Variants in CYP2J2 observed in about 807,000 individuals in gnomAD.
CYP2J2 encodes the protein cytochrome P450 family 2 subfamily J member 2.
CYP2J2 carries 41 observed loss-of-function variants against 48.8 expected under a neutral mutation model. That is an observed-to-expected ratio of 0.84 (90% CI 0.66 to 1.09). The LOEUF (loss-of-function observed/expected upper bound fraction) is 1.09, where lower values mean the gene tolerates loss of function less well. CYP2J2 is among the 50% of genes least tolerant of loss of function. The pLI is 0.00. For synonymous variants in CYP2J2, 221 were observed against 227.1 expected (o/e 0.97, Z 0.24); for missense variants, 644 against 617.3 (o/e 1.04, Z -0.46).
At chr1:59,894,336 T>G (rs1350608114) in intron 8 of CYP2J2, among the ~76,000 whole-genome samples, 1 of 152,232 alleles carries the variant, frequency 6.6e-6, no homozygotes, top group Non-Finnish European at 1.5e-5. Context: ...CCTACTGGCA[T>G]GGGTGGCCCT....
intron 6 of CYP2J2, 86 bp from the exon 7 acceptor site, chr1:59,905,144 G>T: frequency 7.4e-7 from 1 of 1,347,348 alleles, no homozygotes; most frequent in Non-Finnish European, 1.0e-6. Flanking sequence ...GATGTCATCT[G>T]TTGTATTTCA....
intron 4 of CYP2J2, among the ~76,000 whole-genome samples, chr1:59,910,469 A>G: frequency 7.0e-6 from 1 of 143,382 alleles, no homozygotes; most frequent in South Asian, 2.1e-4. Flanking sequence ...CTCACTGATG[A>G]GTATACACAG....
chr1:59,948,005 C>A, the CYP2J2 span, among the ~76,000 whole-genome samples: 49 of 152,250 alleles, frequency 3.2e-4, no homozygotes, highest in African/African-American at 1.1e-3. Flanking sequence ...TCTCCCAGAC[C>A]CCTAAGATTA....
the CYP2J2 span, among the ~76,000 whole-genome samples, chr1:59,961,827 G>A: frequency 6.6e-5 from 10 of 151,936 alleles, no homozygotes; most frequent in Admixed American, 3.3e-4. Context: ...AAGAAATGAA[G>A]TACTGATAAA....
the CYP2J2 span, among the ~76,000 whole-genome samples, chr1:59,933,234 T>C: frequency 1.6e-4 from 24 of 152,216 alleles, no homozygotes; most frequent in East Asian, 4.0e-3. Context: ...AGAAATACAA[T>C]TGATATGCTA....
chr1:59,926,788 GCGGTCCCAGCAGGCGA>G (rs1644569893), upstream of CYP2J2: 3 of 1,548,472 alleles, frequency 1.9e-6, no homozygotes, highest in South Asian at 1.2e-5. Flanking sequence ...CAAGCAGGCG[GCGGTCCCAGCAGGCGA>G]CGGTCCCCGC....
At chr1:59,963,605 G>C in the CYP2J2 span, among the ~76,000 whole-genome samples, 1 of 152,252 alleles carries the variant, frequency 6.6e-6, no homozygotes, top group African/African-American at 2.4e-5. Flanking sequence ...CATTTGAGTA[G>C]TTTTGACCCT....
chr1:59,955,140 TTAAAA>T, the CYP2J2 span, among the ~76,000 whole-genome samples: 5 of 109,090 alleles, frequency 4.6e-5, no homozygotes, highest in Non-Finnish European at 9.0e-5. Flanking sequence ...ATCTCCAAAA[TTAAAA>T]TAAATAAATA....
the CYP2J2 span, among the ~76,000 whole-genome samples, chr1:59,962,622 T>C: frequency 6.6e-6 from 1 of 152,294 alleles, no homozygotes; most frequent in East Asian, 1.9e-4. Flanking sequence ...AGTAAACTAC[T>C]AGGCTCAGCA....
At chr1:59,935,025 T>TACAC in the CYP2J2 span, among the ~76,000 whole-genome samples, 1,028 of 85,822 alleles carry the variant, frequency 0.012, 40 homozygotes, top group Non-Finnish European at 0.018. Flanking sequence ...CATATATATA[T>TACAC]ATATATATAT....
chr1:59,957,681 G>GAC, the CYP2J2 span, among the ~76,000 whole-genome samples: 611 of 137,318 alleles, frequency 4.4e-3, 1 homozygote, highest in South Asian at 0.02. Flanking sequence ...CAGACACACA[G>GAC]ACACACACAC....
At chr1:59,943,219 T>C in the CYP2J2 span, among the ~76,000 whole-genome samples, 2 of 151,994 alleles carry the variant, frequency 1.3e-5, no homozygotes, top group Non-Finnish European at 2.9e-5. Context: ...AGGAAGAATA[T>C]AGAGAGAGAA....
the CYP2J2 span, among the ~76,000 whole-genome samples, chr1:59,932,586 AAG>A: frequency 6.6e-6 from 1 of 151,332 alleles, no homozygotes; most frequent in Non-Finnish European, 1.5e-5. Context: ...CTAGTAAAAG[AAG>A]TTCTTTAGAA....
the CYP2J2 span, among the ~76,000 whole-genome samples, chr1:59,953,735 C>T: frequency 9.2e-5 from 14 of 152,026 alleles, no homozygotes; most frequent in South Asian, 2.1e-4. Context: ...AAAGTGTTTT[C>T]GGTGTGGCAA....
At chr1:59,908,622 G>A (rs571396798) in intron 5 of CYP2J2, among the ~76,000 whole-genome samples, 2 of 152,072 alleles carry the variant, frequency 1.3e-5, no homozygotes, top group Non-Finnish European at 2.9e-5. Context: ...AACATATAGC[G>A]AGTCTCCTCC....
At chr1:59,920,518 A>AT (rs1367245735) in intron 1 of CYP2J2, among the ~76,000 whole-genome samples, 2 of 152,164 alleles carry the variant, frequency 1.3e-5, no homozygotes, top group Non-Finnish European at 2.9e-5. Context: ...TAAGAACCAC[A>AT]TAAGAGGACC....
At chr1:59,917,358 A>C (rs1052802333) in intron 1 of CYP2J2, among the ~76,000 whole-genome samples, 13 of 152,222 alleles carry the variant, frequency 8.5e-5, no homozygotes, top group African/African-American at 2.9e-4. Flanking sequence ...ATAGGCAGCC[A>C]TTGCTAAGCA....
At chr1:59,896,267 G>A (rs905354061) in intron 8 of CYP2J2, among the ~76,000 whole-genome samples, 40 of 149,208 alleles carry the variant, frequency 2.7e-4, no homozygotes, top group African/African-American at 9.6e-4. Flanking sequence ...ATATAATGTG[G>A]GTATATGTCC....
the CYP2J2 span, among the ~76,000 whole-genome samples, chr1:59,964,383 G>A: frequency 2.0e-5 from 3 of 152,114 alleles, no homozygotes; most frequent in Admixed American, 6.5e-5. Context: ...TGCTACTTAC[G>A]TACTCCAGGA....
Sources: allele counts gnomAD v4.1 joint callset (sites outside exome capture counted in the v4.1 genomes callset), GRCh38; gene constraint gnomAD v4.1.1; transcripts MANE v1.5; gene names NCBI Gene and HGNC (gene_info 2026-07-23, HGNC 2026-07-21).